DCLK2: variants seen among roughly 807,000 people sequenced by gnomAD.
DCLK2 encodes the protein serine/threonine-protein kinase DCLK2.
Under a neutral mutation model 78.4 loss-of-function variants are expected in DCLK2, and 31 were observed. The observed-to-expected ratio is 0.40, with a 90% CI of 0.30 to 0.53. The LOEUF is 0.53. Ranked by LOEUF, DCLK2 falls within the 20% of genes least tolerant of loss-of-function variation. The pLI, the probability that DCLK2 is intolerant of heterozygous loss-of-function variation, is 0.61. For missense variants in DCLK2, 872 were observed against 973.7 expected (o/e 0.90, Z 1.39); for synonymous variants, 407 against 374.9 (o/e 1.09, Z -0.99).
rs141687033 is a variant in DCLK2 at position 150,184,108 on chromosome 4, C to T, written c.757-9030C>T. Reference sequence around the variant, plus strand: ...CCTATATGCTAGGTGCTATGTAATGCTGGAATTATAGTGGTGAACAAGACT... The same window carrying T: ...CCTATATGCTAGGTGCTATGTAATGTTGGAATTATAGTGGTGAACAAGACT... On this transcript the variant is annotated intron_variant, in intron 2 of 15. Coordinates refer to ENST00000296550, the MANE Select transcript of DCLK2 (RefSeq NM_001040260.4). Among the ~76,000 whole-genome samples, 52 of 152,286 alleles carry T rather than the reference C, an allele frequency of 3.4e-4. 1 individual carries two copies. In the East Asian group the frequency reaches 7.5e-3, roughly 22 times the overall value.
intron 2 of DCLK2, among the ~76,000 whole-genome samples, chr4:150,115,063 C>A (rs538964375): frequency 6.6e-6 from 1 of 152,240 alleles, no homozygotes; most frequent in South Asian, 2.1e-4. Flanking sequence ...CCTGTATTTT[C>A]TGGAGGCTTT....
At chr4:150,228,175 G>A (rs142496297) in intron 8 of DCLK2, among the ~76,000 whole-genome samples, 7 of 152,258 alleles carry the variant, frequency 4.6e-5, no homozygotes, top group African/African-American at 1.4e-4. Context: ...ACAATCCAGG[G>A]TTATCTCTCC....
intron 1 of DCLK2, among the ~76,000 whole-genome samples, chr4:150,089,310 C>A (rs4405992): frequency 0.38 from 57,587 of 151,982 alleles, 11,151 homozygotes; most frequent in Non-Finnish European, 0.42. Flanking sequence ...GCAAGATTAA[C>A]ATAAAGGCAC....
chr4:150,206,371 C>T (rs1366678126), intron 5 of DCLK2, among the ~76,000 whole-genome samples: 1 of 151,984 alleles, frequency 6.6e-6, no homozygotes, highest in Non-Finnish European at 1.5e-5. Flanking sequence ...CTTATTCACA[C>T]CGAGAGGAAT....
At chr4:150,118,252 A>G (rs1169260467) in intron 2 of DCLK2, among the ~76,000 whole-genome samples, 2 of 152,134 alleles carry the variant, frequency 1.3e-5, no homozygotes, top group African/African-American at 4.8e-5. Context: ...TAATCAGGTG[A>G]TTTCAAAAAA....
chr4:150,174,896 G>C (rs1435202925), intron 2 of DCLK2, among the ~76,000 whole-genome samples: 1 of 145,838 alleles, frequency 6.9e-6, no homozygotes, highest in Non-Finnish European at 1.5e-5. Flanking sequence ...TACTCAGGAG[G>C]CTGAGGCAGG....
chr4:150,119,053 A>AATG (rs1012550099), intron 2 of DCLK2, among the ~76,000 whole-genome samples: 1 of 150,898 alleles, frequency 6.6e-6, no homozygotes, highest in Non-Finnish European at 1.5e-5. Flanking sequence ...ATATAATAAT[A>AATG]ATAATAATAA....
intron 10 of DCLK2, among the ~76,000 whole-genome samples, chr4:150,235,043 C>G (rs1342325005): frequency 1.3e-5 from 2 of 152,208 alleles, no homozygotes; most frequent in African/African-American, 4.8e-5. Flanking sequence ...TCTCCACAAC[C>G]TGCCTTGCCC....
chr4:150,240,791 A>T (rs1742873054), intron 12 of DCLK2, among the ~76,000 whole-genome samples: 1 of 151,890 alleles, frequency 6.6e-6, no homozygotes, highest in Non-Finnish European at 1.5e-5. Context: ...TCAGAAAAAA[A>T]AAATTACATA....
At chr4:150,225,163 T>A (rs75601383) in intron 8 of DCLK2, among the ~76,000 whole-genome samples, 2,204 of 152,324 alleles carry the variant, frequency 0.014, 16 homozygotes, top group Middle Eastern at 0.024. Context: ...AGAATATTAT[T>A]TTCATTATCC....
intron 2 of DCLK2, among the ~76,000 whole-genome samples, chr4:150,183,381 G>A (rs912080352): frequency 6.6e-6 from 1 of 152,188 alleles, no homozygotes; most frequent in African/African-American, 2.4e-5. Context: ...GATTTCACAA[G>A]TAGTTTTTCT....
chr4:150,207,236 G>A (rs1739907862), intron 5 of DCLK2, among the ~76,000 whole-genome samples: 1 of 152,192 alleles, frequency 6.6e-6, no homozygotes, highest in Non-Finnish European at 1.5e-5. Flanking sequence ...TGCAGGAGCT[G>A]ACAGTCTCTC....
intron 5 of DCLK2, among the ~76,000 whole-genome samples, chr4:150,206,461 G>A (rs1001527863): frequency 2.6e-5 from 4 of 152,052 alleles, no homozygotes; most frequent in African/African-American, 9.7e-5. Flanking sequence ...ACAAAGAACA[G>A]TTGTCTTTCC....
chr4:150,188,191 T>G (rs1738097191), intron 2 of DCLK2, among the ~76,000 whole-genome samples: 3 of 152,200 alleles, frequency 2.0e-5, no homozygotes. Context: ...TGAAAAATTG[T>G]GCCCAGGTGT....
In DCLK2 at chr4:150,232,726, T is replaced by C. The variant is rs542882368; in HGVS notation, c.1464T>C (p.Thr488=). ...FDAITSSTKY[T]ERDGSAMVYN... Reference sequence around the variant, plus strand: ...CAATTACTTCGTCGACCAAGTACACTGAGAGAGATGGCAGTGCCATGGTGT... The same window carrying C: ...CAATTACTTCGTCGACCAAGTACACCGAGAGAGATGGCAGTGCCATGGTGT... Residue 488 remains threonine, a synonymous_variant, in exon 10 of 16, where the codon ACT becomes ACC. Transcript: ENST00000296550. The C allele has an allele frequency of 1.9e-6, 3 of 1,614,086 alleles. No individual in the cohort carries two copies. The Admixed American group carries it at 5.0e-5, about 27-fold the overall frequency.
intron 2 of DCLK2, among the ~76,000 whole-genome samples, chr4:150,135,152 TC>T (rs1733601673): frequency 1.6e-5 from 2 of 121,638 alleles, no homozygotes; most frequent in African/African-American, 6.7e-5. Flanking sequence ...AACACCTGCC[TC>T]TCATACACGT....
intron 2 of DCLK2, among the ~76,000 whole-genome samples, chr4:150,155,373 T>C (rs1735197515): frequency 6.6e-6 from 1 of 152,230 alleles, no homozygotes; most frequent in Non-Finnish European, 1.5e-5. Context: ...TTTCCTTCTG[T>C]ATACAAGCTG....
intron 1 of DCLK2, among the ~76,000 whole-genome samples, chr4:150,093,914 A>G (rs531749298): frequency 1.3e-5 from 2 of 152,350 alleles, no homozygotes; most frequent in South Asian, 4.1e-4. Flanking sequence ...TCAAATATGT[A>G]TGGTCAGCTG....
At chr4:150,093,004 G>A (rs370720890) in intron 1 of DCLK2, among the ~76,000 whole-genome samples, 3 of 152,288 alleles carry the variant, frequency 2.0e-5, no homozygotes, top group East Asian at 3.9e-4. Flanking sequence ...ACAATTATCT[G>A]TTTGCAGAAG....
Sources: gnomAD v4.1 joint callset for allele counts (sites outside exome capture counted in the v4.1 genomes callset) on GRCh38, gnomAD v4.1.1 for gene constraint, MANE v1.5 for transcripts, NCBI Gene and HGNC (gene_info 2026-07-23, HGNC 2026-07-21) for gene names.